The following SAFB variants were observed in gnomAD, a reference collection of about 807,000 sequenced individuals.
SAFB encodes the protein scaffold attachment factor B, also known as scaffold attachment factor B1.
SAFB carries 15 observed loss-of-function variants against 101.6 expected under a neutral mutation model. The ratio of observed to expected loss-of-function variants is 0.15; its 90% CI spans 0.10 to 0.23. SAFB has a LOEUF of 0.23. Ranked by LOEUF, SAFB falls within the 10% of genes least tolerant of loss-of-function variation. The pLI, the probability that SAFB is intolerant of heterozygous loss-of-function variation, is 1.00. For synonymous variants in SAFB, 449 were observed against 407.5 expected (o/e 1.10, Z -1.23); for missense variants, 930 against 1,104.1 (o/e 0.84, Z 2.23).
At chr19:5,650,093 G>T in intron 8 of SAFB, 118 bp downstream of exon 8, 2 of 784,882 alleles carry the variant, frequency 2.5e-6, no homozygotes, top group Admixed American at 4.2e-5. Context: ...TGAGACGTTT[G>T]TGCAGTCTTT....
In SAFB at chr19:5,623,103, C is replaced by T; in HGVS notation, c.-103C>T. 2.5e-6 allele frequency: 3 copies of T among 1,202,070 alleles called. No homozygotes were observed. The highest frequency in any genetic ancestry group is 1.2e-6 in the Non-Finnish European group (1 of 850,174). The allele number at this position is 1,202,070 out of a possible 1,614,324, so 74.5% of individuals were successfully genotyped here. A position where few individuals can be genotyped will look rare whatever the true frequency, so the allele number is the denominator to read the frequency against. On this transcript the variant is annotated 5_prime_UTR_variant, in exon 1 of 21. Transcript: ENST00000588852. ...TGCGCAGAAGCGAGGCGCGCTGGGGCGACTGGAGCGGTTCCCTCGCAGGCG... is the reference window on the plus strand; with the variant it reads ...TGCGCAGAAGCGAGGCGCGCTGGGGTGACTGGAGCGGTTCCCTCGCAGGCG...
rs1243581386 is a variant in SAFB at position 5,664,457 on chromosome 19, G to A, written c.2334+18G>A. The A allele has an allele frequency of 6.2e-7, 1 of 1,601,836 alleles. No individual in the cohort carries two copies. The highest frequency in any genetic ancestry group is 8.6e-7 in the Non-Finnish European group (1 of 1,168,794). ...AAGGACAGGTAAGTCTGAAGCTACA[G>A]TGGTAGCCACAGAATTTCCCATAGA... is the stretch of plus-strand genomic sequence containing the variant. On this transcript the variant is annotated intron_variant, in intron 17 of 20. Transcript: ENST00000588852.
At chr19:5,639,102 G>T (rs892020742) in intron 2 of SAFB, among the ~76,000 whole-genome samples, 15 of 152,222 alleles carry the variant, frequency 9.9e-5, no homozygotes, top group African/African-American at 3.6e-4. Flanking sequence ...CAGTGGAAGA[G>T]AATGGAAACA....
At chr19:5,650,732 G>A (rs1309380585) in intron 8 of SAFB, among the ~76,000 whole-genome samples, 1 of 152,076 alleles carries the variant, frequency 6.6e-6, no homozygotes, top group East Asian at 1.9e-4. Flanking sequence ...ACTTTCTTAG[G>A]AAACCTCACA....
intron 2 of SAFB, among the ~76,000 whole-genome samples, chr19:5,638,814 C>T (rs867503859): frequency 1.3e-5 from 2 of 150,376 alleles, no homozygotes; most frequent in African/African-American, 2.5e-5. Context: ...TTCCACTTCC[C>T]GGGTTCAAGC....
At chr19:5,625,953 C>A (rs1205349957) in intron 1 of SAFB, among the ~76,000 whole-genome samples, 1 of 151,962 alleles carries the variant, frequency 6.6e-6, no homozygotes, top group African/African-American at 2.4e-5. Flanking sequence ...TGGAGGGAGT[C>A]CCTGGAGGGT....
chr19:5,661,789 C>T lies in SAFB; in HGVS notation c.2134C>T (p.Arg712Trp), dbSNP rs749138429. 2 of 1,552,974 alleles carry T rather than the reference C, an allele frequency of 1.3e-6. No homozygotes were observed. Among genetic ancestry groups the T allele is most frequent in the Non-Finnish European group, 1.7e-6 (2 of 1,150,904 alleles). ...YEQERRPAVR[R>W]PYDLDRRDDA... is the part of the protein sequence containing the mutation. ...GCAGGAGCGGCGGCCCGCGGTGCGG[C>T]GGCCCTACGACCTGGACCGGTAAGC... is the stretch of plus-strand genomic sequence containing the variant. The change falls in exon 15 of 21, where the codon CGG becomes TGG. Residue 712 changes from arginine to tryptophan, a missense_variant. Coordinates refer to ENST00000588852, the MANE Select transcript of SAFB (RefSeq NM_001201338.2).
Position 5,654,155 on chromosome 19 carries a change from G to A in SAFB, c.1621G>A (p.Asp541Asn). Residue 541 changes from aspartate to asparagine, a missense_variant, in exon 12 of 21, where the codon GAT (aspartate) becomes AAT (asparagine). Asp to Asn is a conservative substitution (Grantham distance 23). Coordinates refer to ENST00000588852, the MANE Select transcript of SAFB (RefSeq NM_001201338.2). Reference sequence around the variant, plus strand: ...TGGAGAAAAGAGTAAGGACCAAGATGATCAGAAACCTGGCCCCTCAGAGCG... The same window carrying A: ...TGGAGAAAAGAGTAAGGACCAAGATAATCAGAAACCTGGCCCCTCAGAGCG... ...GSGEKSKDQDDQKPGPSERSR... is the reference protein window; with the variant it reads ...GSGEKSKDQDNQKPGPSERSR... 3.1e-6 allele frequency: 5 copies of A among 1,614,212 alleles called. No homozygotes were observed. Among genetic ancestry groups the A allele is most frequent in the Non-Finnish European group, 4.2e-6 (5 of 1,180,024 alleles).
intron 2 of SAFB, among the ~76,000 whole-genome samples, chr19:5,629,175 A>G (rs975811061): frequency 6.6e-6 from 1 of 152,228 alleles, no homozygotes; most frequent in Non-Finnish European, 1.5e-5. Flanking sequence ...AGTTAGGCAT[A>G]CTTCTCCAGA....
At chr19:5,637,343 CAAAAA>C (rs553264134) in intron 2 of SAFB, among the ~76,000 whole-genome samples, 1 of 67,266 alleles carries the variant, frequency 1.5e-5, no homozygotes, top group Admixed American at 1.7e-4. Context: ...GACTCCATCT[CAAAAA>C]AAAAAAAAAA....
In SAFB at chr19:5,667,794, T is replaced by C; in HGVS notation, c.2558-26T>C. On this transcript the variant is annotated intron_variant, in intron 19 of 20. Transcript: ENST00000588852. This position sits in a 1 kb window ranked among gnomAD's most constrained non-coding sequence, Gnocchi z 4.0. Reference sequence around the variant, plus strand: ...TTCCACGCCGTGTGCGCAAGTTCCCTGTGTGAAAGCACGTCTGTCTTCCAG... The same window carrying C: ...TTCCACGCCGTGTGCGCAAGTTCCCCGTGTGAAAGCACGTCTGTCTTCCAG... 1 of 1,613,492 alleles carries C rather than the reference T, an allele frequency of 6.2e-7. No homozygotes were observed. Among genetic ancestry groups the C allele is most frequent in the Non-Finnish European group, 8.5e-7 (1 of 1,179,436 alleles).
At chr19:5,663,256 C>T (rs1022627951) in intron 15 of SAFB, among the ~76,000 whole-genome samples, 4 of 152,188 alleles carry the variant, frequency 2.6e-5, no homozygotes, top group African/African-American at 9.6e-5. Context: ...CCACCTTGGC[C>T]TCCCAAAGTG....
At chr19:5,662,882 T>C (rs2054247078) in intron 15 of SAFB, among the ~76,000 whole-genome samples, 1 of 151,954 alleles carries the variant, frequency 6.6e-6, no homozygotes, top group South Asian at 2.1e-4. Flanking sequence ...CCTCAGGTGA[T>C]CCACCCACCT....
chr19:5,667,981 C>T lies in SAFB; in HGVS notation c.2624+95C>T, dbSNP rs2054374429. On this transcript the variant is annotated intron_variant, in intron 20 of 20. Coordinates refer to ENST00000588852, the MANE Select transcript of SAFB (RefSeq NM_001201338.2). This position sits in a 1 kb window ranked among gnomAD's most constrained non-coding sequence, Gnocchi z 4.0. ...CAACCAAGTCCTTCCAGCTAGTGCCCCTCCCCCCAAGGGTGACGTGAGGCC... is the reference window on the plus strand; with the variant it reads ...CAACCAAGTCCTTCCAGCTAGTGCCTCTCCCCCCAAGGGTGACGTGAGGCC... The T allele has an allele frequency of 1.4e-6, 2 of 1,443,374 alleles. No individual in the cohort carries two copies. Among genetic ancestry groups the T allele is most frequent in the Admixed American group, 4.1e-5 (2 of 48,772 alleles). 89.4% of individuals were successfully genotyped at this position (1,443,374 alleles called of 1,614,324 possible).
intron 4 of SAFB, among the ~76,000 whole-genome samples, chr19:5,644,113 A>G (rs952150573): frequency 6.6e-6 from 1 of 152,016 alleles, no homozygotes; most frequent in South Asian, 2.1e-4. Flanking sequence ...ACAGGGTCTC[A>G]TGGTGTAAAT....
At chr19:5,664,319 C>T (rs939047422) in intron 16 of SAFB, 78 bp from the exon 17 acceptor site, 135 of 1,463,046 alleles carry the variant, frequency 9.2e-5, no homozygotes, top group Non-Finnish European at 1.2e-5. Context: ...TTATGCTTTT[C>T]ATTGGGGGCC....
Position 5,667,380 on chromosome 19 carries a change from A to G in SAFB, c.2487A>G (p.Arg829=). Residue 829 remains arginine, a synonymous_variant, in exon 19 of 21, where the codon AGA becomes AGG. Transcript: ENST00000588852. The surrounding 1 kb of genome is among the most constrained non-coding windows in gnomAD (Gnocchi z 4.0). ...GTGACTGGGGGGACCATGGCCGAAG[A>G]GAGGATGACCGGTCATGGCAGGGCA... ...GRRDWGDHGR[R]EDDRSWQGTA... 1 of 1,509,608 alleles carries G rather than the reference A, an allele frequency of 6.6e-7. No homozygotes were observed. 93.5% of individuals were successfully genotyped at this position (1,509,608 alleles called of 1,614,324 possible).
At position 5,629,510 on chromosome 19, in the gene SAFB, C is replaced by G. The variant is rs544417705; in HGVS notation, c.274+3021C>G. 4.6e-5 allele frequency among the ~76,000 whole-genome samples: 7 copies of G among 152,152 alleles called. No individual in the cohort carries two copies. The South Asian group carries it at 1.5e-3, about 32-fold the overall frequency. ...AACCCGTGATCTTGCTATACAAAATCTCACTGTTTTTTAACAGGCTAATAA... is the reference window on the plus strand; with the variant it reads ...AACCCGTGATCTTGCTATACAAAATGTCACTGTTTTTTAACAGGCTAATAA... On this transcript the variant is annotated intron_variant, in intron 2 of 20. Coordinates refer to ENST00000588852, the MANE Select transcript of SAFB (RefSeq NM_001201338.2).
intron 13 of SAFB, among the ~76,000 whole-genome samples, chr19:5,655,312 G>C (rs2054031417): frequency 6.6e-6 from 1 of 151,898 alleles, no homozygotes; most frequent in Non-Finnish European, 1.5e-5. Flanking sequence ...TTAAAAATTA[G>C]GCAGGCTCGG....
Sources: gnomAD v4.1 joint callset for allele counts (sites outside exome capture counted in the v4.1 genomes callset) on GRCh38, gnomAD v4.1.1 for gene constraint, Gnocchi (gnomAD v3.1) non-coding constraint, MANE v1.5 for transcripts, NCBI Gene and HGNC (gene_info 2026-07-23, HGNC 2026-07-21) for gene names.